OSBPL1A: variants seen among roughly 807,000 people sequenced by gnomAD.
The protein encoded by OSBPL1A is oxysterol binding protein like 1A.
OSBPL1A carries 80 observed loss-of-function variants against 137.1 expected under a neutral mutation model. That is an observed-to-expected ratio of 0.58 (90% confidence interval 0.49 to 0.70). The LOEUF (loss-of-function observed/expected upper bound fraction) is 0.70. Among genes scored for constraint, OSBPL1A ranks in the 30% least tolerant of loss-of-function variants. OSBPL1A has a pLI of 0.00. For synonymous variants in OSBPL1A, 365 were observed against 389.7 expected, an observed-to-expected ratio of 0.94 and a Z score of 0.75; for missense variants, 970 against 1,129.4, an observed-to-expected ratio of 0.86 and a Z score of 2.02.
chr18:24,201,879 C>T (rs1049459836), intron 17 of OSBPL1A, among the ~76,000 whole-genome samples: 31 of 152,166 alleles, frequency 2.0e-4, no homozygotes, highest in Admixed American at 8.5e-4. Flanking sequence ...TGCATCTGCT[C>T]TGTGGATTGC....
rs945876983 is a variant in OSBPL1A, at chr18:24,170,349, T to C, written c.2396A>G (p.Glu799Gly). The C allele has an allele frequency of 3.1e-6, 5 of 1,614,192 alleles. No individual in the cohort carries two copies. The highest frequency in any genetic ancestry group is 3.3e-5 in the Admixed American group (2 of 60,020). The part of the protein sequence containing the change: ...AYKKNDKKNT[E>G]EKKNSKQMST... ...CACCTGTTTGCTGTTCTTCTTCTCT[T>C]CTGTATTTTTCTTATCATTTTTTTT... The change falls in exon 24 of 28, where the codon GAA becomes GGA. Residue 799 changes from glutamate to glycine, a missense_variant. Transcript: ENST00000319481.
In OSBPL1A at chr18:24,246,634, T is replaced by C. The variant is rs190976337; in HGVS notation, c.1282-7252A>G. Among the ~76,000 whole-genome samples, 1,062 of 151,658 alleles carry C rather than the reference T, an allele frequency of 7.0e-3. 16 individuals are homozygous for C. The highest frequency in any genetic ancestry group is 7.5e-3 in the Non-Finnish European group (510 of 67,874). ...GGTGAAACCCCGTCTCTACTAAAAA[T>C]ACAAAAATTAGCCAAGCATGGTGGT... On this transcript the variant is annotated intron_variant, in intron 15 of 27. Coordinates refer to ENST00000319481, the MANE Select transcript of OSBPL1A (RefSeq NM_080597.4).
intron 18 of OSBPL1A, among the ~76,000 whole-genome samples, chr18:24,185,193 G>T (rs2086713057): frequency 1.3e-5 from 2 of 152,156 alleles, no homozygotes. Context: ...GGATTTTTAA[G>T]GCGTGAAAAC....
chr18:24,299,178 T>C (rs755512344), intron 14 of OSBPL1A, among the ~76,000 whole-genome samples: 1 of 152,202 alleles, frequency 6.6e-6, no homozygotes, highest in Non-Finnish European at 1.5e-5. Flanking sequence ...TTTTTTTATC[T>C]GTTGGCTGCC....
At chr18:24,331,685 C>T (rs1599677461) in intron 7 of OSBPL1A, among the ~76,000 whole-genome samples, 1 of 150,628 alleles carries the variant, frequency 6.6e-6, no homozygotes, top group Non-Finnish European at 1.5e-5. Context: ...CATGAGCCAC[C>T]GCGCCCGGCG....
chr18:24,266,143 A>C (rs929668543), intron 15 of OSBPL1A, among the ~76,000 whole-genome samples: 2 of 152,184 alleles, frequency 1.3e-5, no homozygotes, highest in African/African-American at 4.8e-5. Context: ...AGAGCAAGAA[A>C]AGGGTCCCTG....
intron 19 of OSBPL1A, among the ~76,000 whole-genome samples, chr18:24,180,095 G>A (rs1386016187): frequency 2.6e-5 from 4 of 152,032 alleles, no homozygotes; most frequent in Non-Finnish European, 5.9e-5. Context: ...TTCTCTCAAG[G>A]ACTTTTAAAA....
At chr18:24,242,246 GAACA>G (rs920809170) in intron 15 of OSBPL1A, among the ~76,000 whole-genome samples, 1 of 150,026 alleles carries the variant, frequency 6.7e-6, no homozygotes, top group African/African-American at 2.5e-5. Flanking sequence ...TATATATGCA[GAACA>G]CTGCATGTTC....
At position 24,368,359 on chromosome 18, in the gene OSBPL1A, A is replaced by T. The variant is rs1905334984; in HGVS notation, c.135T>A (p.Ser45=). 21 of 1,612,972 alleles carry T rather than the reference A, an allele frequency of 1.3e-5. No homozygotes were observed. The highest frequency in any genetic ancestry group is 1.6e-5 in the Non-Finnish European group (19 of 1,179,008). The change falls in exon 3 of 28, where the codon TCT becomes TCA. Residue 45 remains serine (S), a synonymous_variant. Transcript: ENST00000319481. The part of the protein sequence containing the change: ...ADINCKGRSK[S]NLGWTPLHLA... ...GATGTAGAGGTGTCCAGCCCAAGTT[A>T]GACTTACTTCTTCCTAAAAATGGAA...
intron 4 of OSBPL1A, among the ~76,000 whole-genome samples, chr18:24,350,251 C>T (rs1252383770): frequency 2.0e-5 from 3 of 151,902 alleles, no homozygotes; most frequent in African/African-American, 4.8e-5. Context: ...TTTTTTGCTT[C>T]CCCTAGCCTG....
At chr18:24,313,462 T>C (rs575547080) in intron 12 of OSBPL1A, among the ~76,000 whole-genome samples, 8 of 151,834 alleles carry the variant, frequency 5.3e-5, no homozygotes, top group African/African-American at 1.9e-4. Context: ...ATTAAGTGAC[T>C]GCACCATAAG....
At chr18:24,292,162 C>T (rs1369962644) in intron 14 of OSBPL1A, among the ~76,000 whole-genome samples, 1 of 152,028 alleles carries the variant, frequency 6.6e-6, no homozygotes, top group Non-Finnish European at 1.5e-5. Flanking sequence ...TAACTATAAC[C>T]CAGTGAGGGT....
chr18:24,333,705 G>C (rs1413057880), intron 6 of OSBPL1A, among the ~76,000 whole-genome samples: 1 of 152,212 alleles, frequency 6.6e-6, no homozygotes, highest in African/African-American at 2.4e-5. Context: ...AGACTGTGCA[G>C]GAATGGAAGC....
At chr18:24,260,767 GTA>G (rs2089426570) in intron 15 of OSBPL1A, among the ~76,000 whole-genome samples, 3 of 148,114 alleles carry the variant, frequency 2.0e-5, no homozygotes, top group Non-Finnish European at 4.4e-5. Flanking sequence ...CCACTGAATT[GTA>G]TGCTCAAAAG....
intron 15 of OSBPL1A, among the ~76,000 whole-genome samples, chr18:24,261,092 A>G (rs1238286320): frequency 6.6e-6 from 1 of 152,218 alleles, no homozygotes; most frequent in East Asian, 1.9e-4. Context: ...CTATTGATAC[A>G]TTCAGCGACA....
intron 17 of OSBPL1A, among the ~76,000 whole-genome samples, chr18:24,221,762 T>C (rs1258070601): frequency 6.6e-6 from 1 of 152,246 alleles, no homozygotes; most frequent in Non-Finnish European, 1.5e-5. Flanking sequence ...GAATTTTCAT[T>C]TTCAGTAAGT....
chr18:24,206,256 C>T (rs2087372523), intron 17 of OSBPL1A, among the ~76,000 whole-genome samples: 2 of 152,120 alleles, frequency 1.3e-5, no homozygotes, highest in Non-Finnish European at 2.9e-5. Context: ...GATACAGGTA[C>T]AAATGGAAGA....
intron 14 of OSBPL1A, among the ~76,000 whole-genome samples, chr18:24,294,599 C>G (rs112789172): frequency 6.6e-6 from 1 of 151,624 alleles, no homozygotes; most frequent in African/African-American, 2.4e-5. Flanking sequence ...CCATATCACT[C>G]TAAGTCTCTG....
At chr18:24,192,606 C>T (rs746576545) in intron 18 of OSBPL1A, among the ~76,000 whole-genome samples, 52 of 152,198 alleles carry the variant, frequency 3.4e-4, no homozygotes, top group South Asian at 1.0e-3. Context: ...TGGCTAAATG[C>T]TATTTGGAAA....
Sources: allele counts gnomAD v4.1 joint callset (sites outside exome capture counted in the v4.1 genomes callset), GRCh38; gene constraint gnomAD v4.1.1; transcripts MANE v1.5; gene names NCBI Gene and HGNC (gene_info 2026-07-23, HGNC 2026-07-21).